ARHGAP19: variants seen among roughly 807,000 people sequenced by gnomAD.
The protein encoded by ARHGAP19 is Rho GTPase activating protein 19.
A neutral mutation model predicts 60.9 loss-of-function variants in ARHGAP19; 48 were observed. That is an observed-to-expected ratio of 0.79 (90% CI 0.62 to 1.00). The LOEUF (loss-of-function observed/expected upper bound fraction) is 1.00, where lower values mean the gene tolerates loss of function less well. Ranked by LOEUF, ARHGAP19 falls within the 50% of genes least tolerant of loss-of-function variation. ARHGAP19 has a pLI of 0.00. For missense variants in ARHGAP19, 562 were observed against 597.2 expected, an observed-to-expected ratio of 0.94 and a Z score of 0.61; for synonymous variants, 209 against 215.5, an observed-to-expected ratio of 0.97 and a Z score of 0.27.
chr10:97,251,456 A>G, intron 6 of ARHGAP19, among the ~76,000 whole-genome samples: 1 of 86,778 alleles, frequency 1.2e-5, no homozygotes, highest in Admixed American at 1.2e-4. Flanking sequence ...GGGGAAGGGG[A>G]AGGGAAAAGG....
chr10:97,254,515 C>G (rs11189072), intron 6 of ARHGAP19, among the ~76,000 whole-genome samples: 1 of 152,186 alleles, frequency 6.6e-6, no homozygotes, highest in East Asian at 1.9e-4. Flanking sequence ...TTACCTAACA[C>G]CAGAAACAAA....
intron 1 of ARHGAP19, among the ~76,000 whole-genome samples, chr10:97,271,235 G>C (rs1589376189): frequency 1.3e-5 from 2 of 152,108 alleles, no homozygotes; most frequent in East Asian, 3.9e-4. Context: ...ATGGATAAAA[G>C]GGGAAGAAGA....
chr10:97,287,896 C>G (rs1843176255), intron 1 of ARHGAP19, among the ~76,000 whole-genome samples: 1 of 151,886 alleles, frequency 6.6e-6, no homozygotes, highest in Admixed American at 6.6e-5. Flanking sequence ...AACACTGTCT[C>G]TACTAAAAAT....
chr10:97,272,131 C>CTTTTTTTTT lies in ARHGAP19; in HGVS notation c.57-6015_57-6007dup, dbSNP rs35980234. Among the ~76,000 whole-genome samples, 66 of 85,648 alleles carry CTTTTTTTTT rather than the reference C, an allele frequency of 7.7e-4. 4 individuals carry two copies. The highest frequency in any genetic ancestry group is 2.7e-3 in the African/African-American group (54 of 20,116). 56.2% of individuals were successfully genotyped at this position (85,648 alleles called of 152,430 possible). On this transcript the variant is annotated intron_variant, in intron 1 of 11. Transcript: ENST00000358531. ...TTATACACTTAGGTGGGAAATATGT[C>CTTTTTTTTT]TTTTTTTTTTTTTTTTTTTTTTCAG...
chr10:97,285,519 C>CTTTTTTTTTT (rs1245251335), intron 1 of ARHGAP19, among the ~76,000 whole-genome samples: 3 of 110,950 alleles, frequency 2.7e-5, no homozygotes, highest in Non-Finnish European at 3.8e-5. Context: ...TTTTTTTTTG[C>CTTTTTTTTTT]TTTTTTTTTT....
At chr10:97,267,255 G>T (rs200393278) in intron 1 of ARHGAP19, among the ~76,000 whole-genome samples, 1 of 152,194 alleles carries the variant, frequency 6.6e-6, no homozygotes, top group African/African-American at 2.4e-5. Context: ...TTACAGCTCT[G>T]AAATAATCTC....
intron 1 of ARHGAP19, among the ~76,000 whole-genome samples, chr10:97,274,254 A>G (rs1842996507): frequency 6.6e-6 from 1 of 152,124 alleles, no homozygotes; most frequent in South Asian, 2.1e-4. Flanking sequence ...TCACAAGGTC[A>G]GGAGTTCGAG....
Position 97,225,022 on chromosome 10 carries a change from T to A in ARHGAP19, c.*1100A>T, listed in dbSNP as rs1439173321. 6.6e-6 allele frequency: 1 copy of A among 152,430 alleles called. No homozygotes were observed. Among genetic ancestry groups the A allele is most frequent in the Non-Finnish European group, 1.5e-5 (1 of 68,192 alleles). The allele number at this position is 152,430 out of a possible 1,614,324, so 9.4% of individuals were successfully genotyped here. ...TAAATCCTGTCAGCCCTGCAGAGGT[T>A]GCTGCTTGCTTCTTCTTTCTGATCC... On this transcript the variant is annotated 3_prime_UTR_variant, in exon 12 of 12. Coordinates refer to ENST00000358531, the MANE Select transcript of ARHGAP19 (RefSeq NM_032900.6).
intron 1 of ARHGAP19, among the ~76,000 whole-genome samples, chr10:97,286,603 G>T (rs1427393408): frequency 6.6e-6 from 1 of 152,100 alleles, no homozygotes; most frequent in East Asian, 1.9e-4. Flanking sequence ...AAAAACCAAG[G>T]CTCAGAAGTC....
chr10:97,288,144 GA>G (rs1313502208), intron 1 of ARHGAP19, among the ~76,000 whole-genome samples: 3 of 152,008 alleles, frequency 2.0e-5, no homozygotes, highest in Non-Finnish European at 4.4e-5. Context: ...AAATAATGAT[GA>G]AAAAACAAAA....
intron 1 of ARHGAP19, among the ~76,000 whole-genome samples, chr10:97,287,051 G>A (rs1564730671): frequency 6.6e-6 from 1 of 152,112 alleles, no homozygotes; most frequent in Non-Finnish European, 1.5e-5. Context: ...GAGCTCAAGT[G>A]ATCCTCCCAC....
intron 9 of ARHGAP19, among the ~76,000 whole-genome samples, chr10:97,233,855 G>C (rs777749118): frequency 1.0e-4 from 15 of 144,994 alleles, no homozygotes; most frequent in Non-Finnish European, 1.8e-4. Flanking sequence ...GTGACAGAGA[G>C]AGACTCCATC....
Position 97,256,847 on chromosome 10 carries a change from C to T in ARHGAP19, c.841-443G>A, listed in dbSNP as rs544791334. 2.6e-4 allele frequency among the ~76,000 whole-genome samples: 39 copies of T among 152,270 alleles called. No individual in the cohort carries two copies. In the East Asian group the frequency reaches 4.6e-3, roughly 18 times the overall value. Reference sequence around the variant, plus strand: ...TTAAAAACACAGTAAAATTACCGGGCGTGGTGGCTCATGCCTGTAATCCCA... The same window carrying T: ...TTAAAAACACAGTAAAATTACCGGGTGTGGTGGCTCATGCCTGTAATCCCA... On this transcript the variant is annotated intron_variant, in intron 5 of 11. Transcript: ENST00000358531.
chr10:97,264,374 G>A (rs922467559), intron 3 of ARHGAP19, among the ~76,000 whole-genome samples: 4 of 151,690 alleles, frequency 2.6e-5, no homozygotes, highest in Admixed American at 1.3e-4. Context: ...AATCACCTGA[G>A]CCCGGGAGGT....
intron 7 of ARHGAP19, 21 bp from the exon 8 acceptor site, chr10:97,244,180 G>C: frequency 1.9e-6 from 3 of 1,564,600 alleles, no homozygotes; most frequent in Non-Finnish European, 2.6e-6. Context: ...TTTAAAAGAA[G>C]AGTAAATTAA....
intron 8 of ARHGAP19, among the ~76,000 whole-genome samples, chr10:97,239,061 C>T (rs1842426896): frequency 6.6e-6 from 1 of 152,196 alleles, no homozygotes; most frequent in African/African-American, 2.4e-5. Flanking sequence ...CAGGCTATAC[C>T]ATACAGCCTA....
At chr10:97,257,803 C>T (rs1842776072) in intron 5 of ARHGAP19, among the ~76,000 whole-genome samples, 1 of 108,722 alleles carries the variant, frequency 9.2e-6, no homozygotes, top group African/African-American at 2.6e-5. Context: ...ATGTTTCACA[C>T]AATCTCTCTC....
intron 4 of ARHGAP19, among the ~76,000 whole-genome samples, chr10:97,261,655 G>A (rs374397177): frequency 4.0e-4 from 60 of 151,488 alleles, no homozygotes; most frequent in Middle Eastern, 6.8e-3. Context: ...AAAACTAATC[G>A]TATTAGATTT....
chr10:97,251,041 G>T (rs1439155356), intron 6 of ARHGAP19, among the ~76,000 whole-genome samples: 1 of 150,148 alleles, frequency 6.7e-6, no homozygotes, highest in Non-Finnish European at 1.5e-5. Flanking sequence ...AGCCTGGGGG[G>T]CAGAGTGAGA....
Sources: gnomAD v4.1 joint callset for allele counts (sites outside exome capture counted in the v4.1 genomes callset) on GRCh38, gnomAD v4.1.1 for gene constraint, MANE v1.5 for transcripts, NCBI Gene and HGNC (gene_info 2026-07-23, HGNC 2026-07-21) for gene names.